ENTPD1: variants seen among roughly 807,000 people sequenced by gnomAD.
ENTPD1 encodes the protein ATP diphosphohydrolase.
In ENTPD1, 33 loss-of-function variants were observed where a neutral mutation model predicts 57.0. The ratio of observed to expected loss-of-function variants is 0.58; its 90% CI spans 0.44 to 0.77. ENTPD1 has a LOEUF of 0.77. ENTPD1 is among the 30% of genes least tolerant of loss of function. The pLI, the probability that ENTPD1 is intolerant of heterozygous loss-of-function variation, is 0.00. For synonymous variants in ENTPD1, 202 were observed against 218.8 expected, an observed-to-expected ratio of 0.92 and a Z score of 0.68; for missense variants, 501 against 603.4, an observed-to-expected ratio of 0.83 and a Z score of 1.78.
chr10:95,792,353 A>G (rs1221052121), intron 1 of ENTPD1, among the ~76,000 whole-genome samples: 1 of 152,236 alleles, frequency 6.6e-6, no homozygotes, highest in Non-Finnish European at 1.5e-5. Context: ...ATTAGGCAAC[A>G]CTTCATTCCA....
chr10:95,793,850 A>T (rs955325855), intron 1 of ENTPD1, among the ~76,000 whole-genome samples: 1 of 152,100 alleles, frequency 6.6e-6, no homozygotes, highest in Admixed American at 6.6e-5. Flanking sequence ...TGGTGGTTTG[A>T]CATTTATGTG....
At chr10:95,733,538 A>G (rs917770318) in intron 1 of ENTPD1, among the ~76,000 whole-genome samples, 3 of 152,246 alleles carry the variant, frequency 2.0e-5, no homozygotes, top group Admixed American at 6.5e-5. Context: ...TTCACAATTT[A>G]TGTTCACAGA....
At chr10:95,852,748 T>C (rs926727716) in intron 7 of ENTPD1, among the ~76,000 whole-genome samples, 3 of 152,208 alleles carry the variant, frequency 2.0e-5, no homozygotes, top group African/African-American at 7.2e-5. Context: ...TGTAGATATG[T>C]GGCATTATTT....
chr10:95,708,997 C>G (rs988180422), upstream of ENTPD1, among the ~76,000 whole-genome samples: 5 of 152,086 alleles, frequency 3.3e-5, no homozygotes, highest in Admixed American at 1.3e-4. Context: ...TAACTGAGTA[C>G]CTGTAGAATC....
At chr10:95,709,538 C>T (rs571558935), upstream of ENTPD1, among the ~76,000 whole-genome samples, 47 of 152,260 alleles carry the variant, frequency 3.1e-4, no homozygotes, top group South Asian at 9.6e-3. Flanking sequence ...TGCCTGCCAC[C>T]ACGCCCGGCT....
At chr10:95,760,741 A>G (rs1341184990) in intron 1 of ENTPD1, among the ~76,000 whole-genome samples, 5 of 149,330 alleles carry the variant, frequency 3.3e-5, no homozygotes, top group African/African-American at 9.9e-5. Context: ...CGCACCAACT[A>G]CTGTCCAGAG....
rs2098474580 is a variant in ENTPD1 at position 95,866,403 on chromosome 10, C to T, written c.*20C>T. The T allele has an allele frequency of 1.2e-6, 2 of 1,613,890 alleles. No homozygotes were observed. Among genetic ancestry groups the T allele is most frequent in the Non-Finnish European group, 1.7e-6 (2 of 1,179,932 alleles). ...GTATAGCAAAAGCAGCTGAAATATG[C>T]TGGCTGGAGTGAGGAAAAAAATCGT... On this transcript the variant is annotated 3_prime_UTR_variant, in exon 10 of 10. Coordinates refer to ENST00000371205, the MANE Select transcript of ENTPD1 (RefSeq NM_001776.6).
intron 1 of ENTPD1, among the ~76,000 whole-genome samples, chr10:95,762,559 C>T (rs996349330): frequency 2.6e-5 from 4 of 152,058 alleles, no homozygotes; most frequent in African/African-American, 7.2e-5. Flanking sequence ...CATTTTATAG[C>T]GTGGTCTTTG....
At position 95,868,119 on chromosome 10, in the gene ENTPD1, A is replaced by G; in HGVS notation, c.*1736A>G. 1.0e-6 allele frequency: 1 copy of G among 984,046 alleles called. No homozygotes were observed. The highest frequency in any genetic ancestry group is 1.2e-6 in the Non-Finnish European group (1 of 828,640). The allele number at this position is 984,046 out of a possible 1,614,324, so 61.0% of individuals were successfully genotyped here. ...TCATTTAATCCTCACAACAATCTGA[A>G]GAAGGTAGGTATTACAATTCCCACT... On this transcript the variant is annotated 3_prime_UTR_variant, in exon 10 of 10. Transcript: ENST00000371205.
At chr10:95,695,900 A>G in the ENTPD1 span, among the ~76,000 whole-genome samples, 1 of 152,124 alleles carries the variant, frequency 6.6e-6, no homozygotes, top group Non-Finnish European at 1.5e-5. Context: ...ATTTTATTTC[A>G]GGATTGTATT....
intron 7 of ENTPD1, among the ~76,000 whole-genome samples, chr10:95,860,120 GTTTATA>G (rs974896720): frequency 9.9e-5 from 15 of 152,146 alleles, no homozygotes; most frequent in African/African-American, 3.1e-4. Flanking sequence ...TTTTCCAGTT[GTTTATA>G]TTTATTAAAC....
At chr10:95,746,798 T>G (rs78976138) in intron 1 of ENTPD1, among the ~76,000 whole-genome samples, 1,621 of 152,332 alleles carry the variant, frequency 0.011, 36 homozygotes, top group African/African-American at 0.037. Context: ...AGGTTGTTAT[T>G]GATAGTGGAG....
rs1434347981 is a variant in ENTPD1 at position 95,869,184 on chromosome 10, TG to T, written c.*2804del. The T allele has an allele frequency of 2.0e-6, 2 of 982,868 alleles. No homozygotes were observed. Among genetic ancestry groups the T allele is most frequent in the Non-Finnish European group, 1.2e-6 (1 of 829,510 alleles). The allele number at this position is 982,868 out of a possible 1,614,324, so 60.9% of individuals were successfully genotyped here. A position where few individuals can be genotyped will look rare whatever the true frequency, so the allele number is the denominator to read the frequency against. On this transcript the variant is annotated 3_prime_UTR_variant, in exon 10 of 10. Transcript: ENST00000371205. ...ACCTTTTAAAGATTCCTTTATAAGG[TG>T]GGAGTTTTTTTTCTATGAACCTATA...
At position 95,712,250 on chromosome 10, in the gene ENTPD1, A is replaced by G. The variant is rs184370839; in HGVS notation, c.37+257A>G. ...TTGTTGTGTCATAAAGAAGGATGCC[A>G]TAGGGTAGGACATGGGCCTAAACCC... On this transcript the variant is annotated intron_variant, in intron 1 of 9. Transcript: ENST00000453258. 1.4e-4 allele frequency among the ~76,000 whole-genome samples: 21 copies of G among 152,304 alleles called. 1 individual carries two copies. Among genetic ancestry groups the G allele is most frequent in the Admixed American group, 2.0e-4 (3 of 15,310 alleles).
In ENTPD1 at chr10:95,864,730, A is replaced by C. The variant is rs1294097929; in HGVS notation, c.1195A>C (p.Thr399Pro). 2 of 1,614,110 alleles carry C rather than the reference A, an allele frequency of 1.2e-6. No individual in the cohort carries two copies. Among genetic ancestry groups the C allele is most frequent in the South Asian group, 2.2e-5 (2 of 91,078 alleles). Residue 399 changes from threonine to proline, a missense_variant, in exon 9 of 10, where the codon ACA (threonine) becomes CCA (proline). Physicochemically the swap from Thr to Pro is conservative, Grantham distance 38. Coordinates refer to ENST00000371205, the MANE Select transcript of ENTPD1 (RefSeq NM_001776.6). Reference sequence around the variant, plus strand: ...CCCCTCACTTCACTTCTAGATAAAAACATCTTACGCTGGAGTAAAGGAGAA... The same window carrying C: ...CCCCTCACTTCACTTCTAGATAAAACCATCTTACGCTGGAGTAAAGGAGAA... ...FCAQPWEEIK[T>P]SYAGVKEKYL...
intron 3 of ENTPD1, among the ~76,000 whole-genome samples, chr10:95,840,381 C>A (rs1264708585): frequency 6.6e-6 from 1 of 152,178 alleles, no homozygotes; most frequent in Non-Finnish European, 1.5e-5. Context: ...TAAGAAGTTC[C>A]TAGGTGATGC....
chr10:95,816,838 G>T (rs1236113338), intron 1 of ENTPD1, among the ~76,000 whole-genome samples: 2 of 152,182 alleles, frequency 1.3e-5, no homozygotes, highest in Non-Finnish European at 2.9e-5. Context: ...TAGAGAAGAT[G>T]ATAGTATTAC....
rs138778850 is a variant in ENTPD1, at chr10:95,777,854, C to T, written c.16+21599C>T. 6.6e-3 allele frequency among the ~76,000 whole-genome samples: 1,006 copies of T among 152,354 alleles called. 12 individuals are homozygous for T. The highest frequency in any genetic ancestry group is 0.023 in the African/African-American group (943 of 41,584). On this transcript the variant is annotated intron_variant, in intron 1 of 9. Coordinates refer to ENST00000371205, the MANE Select transcript of ENTPD1 (RefSeq NM_001776.6). Reference sequence around the variant, plus strand: ...ACACTTTGTTTACCTACTCAAACCTCGGCAATGGCGGATGCCCCTCCGCCT... The same window carrying T: ...ACACTTTGTTTACCTACTCAAACCTTGGCAATGGCGGATGCCCCTCCGCCT...
intron 3 of ENTPD1, among the ~76,000 whole-genome samples, chr10:95,842,052 T>G (rs2098423657): frequency 6.6e-6 from 1 of 152,198 alleles, no homozygotes. Context: ...AGAGTAGCTA[T>G]CTATAATATC....
Sources: gnomAD v4.1 joint callset for allele counts (sites outside exome capture counted in the v4.1 genomes callset) on GRCh38, gnomAD v4.1.1 for gene constraint, MANE v1.5 for transcripts, NCBI Gene and HGNC (gene_info 2026-07-23, HGNC 2026-07-21) for gene names.